The following ALX3 variants were observed in gnomAD, a reference collection of about 807,000 sequenced individuals.
ALX3 encodes the protein homeobox protein aristaless-like 3.
In ALX3, 17 loss-of-function variants were observed where a neutral mutation model predicts 26.3. The ratio of observed to expected loss-of-function variants is 0.65; its 90% CI spans 0.44 to 0.97. The LOEUF (loss-of-function observed/expected upper bound fraction) is 0.97, where lower values mean the gene tolerates loss of function less well. Among genes scored for constraint, ALX3 ranks in the 50% least tolerant of loss-of-function variants. The pLI is 0.00. For synonymous variants in ALX3, 208 were observed against 201.4 expected, an observed-to-expected ratio of 1.03 and a Z score of -0.28; for missense variants, 461 against 466.5, an observed-to-expected ratio of 0.99 and a Z score of 0.11.
chr1:110,067,893 G>T (rs1387737751), intron 1 of ALX3, among the ~76,000 whole-genome samples: 1 of 151,444 alleles, frequency 6.6e-6, no homozygotes, highest in Admixed American at 6.5e-5. Context: ...TAAGAACTTG[G>T]GACTCTCCTC....
chr1:110,069,079 G>A (rs1014499594), intron 1 of ALX3, among the ~76,000 whole-genome samples: 1 of 152,252 alleles, frequency 6.6e-6, no homozygotes, highest in Non-Finnish European at 1.5e-5. Context: ...ACCGCACTGC[G>A]CGGCCTCTGC....
intron 2 of ALX3, chr1:110,062,331 C>T (rs1570936816): frequency 6.6e-6 from 1 of 152,344 alleles, no homozygotes; most frequent in East Asian, 1.9e-4. Context: ...TCTGTTTCTC[C>T]CATTTATTTG....
chr1:110,063,370 T>A (rs1653700105), intron 2 of ALX3, among the ~76,000 whole-genome samples: 1 of 152,106 alleles, frequency 6.6e-6, no homozygotes, highest in Admixed American at 6.5e-5. Context: ...CTTGGAAGTC[T>A]GTTTTGGCTC....
chr1:110,060,615 G>C lies in ALX3; in HGVS notation c.*118C>G. The C allele has an allele frequency of 1.7e-6, 1 of 579,042 alleles. No individual in the cohort carries two copies. The highest frequency in any genetic ancestry group is 2.3e-6 in the Non-Finnish European group (1 of 434,250). 35.9% of individuals were successfully genotyped at this position (579,042 alleles called of 1,614,324 possible). On this transcript the variant is annotated 3_prime_UTR_variant, in exon 4 of 4. Coordinates refer to ENST00000647563, the MANE Select transcript of ALX3 (RefSeq NM_006492.3). ...ACGTGTTCCCTGCTGGGGGCTGACA[G>C]TGCCAGCTGCTCTCGCAGCCTCCAG...
At chr1:110,067,029 C>T (rs551303297) in intron 1 of ALX3, among the ~76,000 whole-genome samples, 1 of 152,334 alleles carries the variant, frequency 6.6e-6, no homozygotes, top group African/African-American at 2.4e-5. Context: ...CTGCTCTCCT[C>T]ATTGTCATTG....
chr1:110,068,390 C>G (rs1259958589), intron 1 of ALX3, among the ~76,000 whole-genome samples: 2 of 152,216 alleles, frequency 1.3e-5, no homozygotes, highest in Non-Finnish European at 2.9e-5. Flanking sequence ...CGCGCTGCGC[C>G]GAGGTCCGCT....
Position 110,070,546 on chromosome 1 carries a change from C to T in ALX3, c.67G>A (p.Asp23Asn), listed in dbSNP as rs1653895043. The T allele has an allele frequency of 2.3e-6, 3 of 1,298,456 alleles. No individual in the cohort carries two copies. The highest frequency in any genetic ancestry group is 2.2e-5 in the South Asian group (1 of 45,672). 80.4% of individuals were successfully genotyped at this position (1,298,456 alleles called of 1,614,324 possible). ...PAPGPYVASG[D>N]EPPGPQGTPA... Reference sequence around the variant, plus strand: ...GTTCCCTGCGGGCCCGGAGGCTCGTCCCCCGAGGCCACATAGGGGCCGGGT... The same window carrying T: ...GTTCCCTGCGGGCCCGGAGGCTCGTTCCCCGAGGCCACATAGGGGCCGGGT... The change falls in exon 1 of 4, where the codon GAC becomes AAC. Residue 23 changes from aspartate (D) to asparagine (N), a missense_variant. Asp to Asn is a conservative substitution (Grantham distance 23, BLOSUM62 1). Transcript: ENST00000647563.
Position 110,060,683 on chromosome 1 carries a change from G to C in ALX3, c.*50C>G. On this transcript the variant is annotated 3_prime_UTR_variant, in exon 4 of 4. Transcript: ENST00000647563. ...AGGCAGAGGTGGGCTGGGAGCGACT[G>C]GGAATGGAAAAAGAGGTGGGCAGCT... 1.9e-6 allele frequency: 1 copy of C among 539,096 alleles called. No homozygotes were observed. Among genetic ancestry groups the C allele is most frequent in the Non-Finnish European group, 2.4e-6 (1 of 410,348 alleles). 33.4% of individuals were successfully genotyped at this position (539,096 alleles called of 1,614,324 possible).
intron 2 of ALX3, chr1:110,062,643 G>GCGCGCACACGCGC (rs1557802205): frequency 5.1e-4 from 1 of 1,980 alleles, no homozygotes; most frequent in African/African-American, 3.3e-3. Flanking sequence ...GTGTGTGTGT[G>GCGCGCACACGCGC]TGGAGTAATC....
At chr1:110,061,180 C>A in intron 3 of ALX3, 139 bp from the exon 4 acceptor site, 1 of 1,086,238 alleles carries the variant, frequency 9.2e-7, no homozygotes, top group Non-Finnish European at 1.3e-6. Flanking sequence ...CCCCCTCTCA[C>A]CCCCAACACT....
intron 1 of ALX3, among the ~76,000 whole-genome samples, chr1:110,068,635 T>G (rs1236411145): frequency 2.6e-5 from 4 of 152,264 alleles, no homozygotes; most frequent in Non-Finnish European, 5.9e-5. Context: ...CTCTTTGTCC[T>G]TTCCCCCTTC....
Position 110,060,508 on chromosome 1 carries a change from T to G in ALX3, c.*225A>C, listed in dbSNP as rs1299342334. On this transcript the variant is annotated 3_prime_UTR_variant, in exon 4 of 4. Transcript: ENST00000647563. The stretch of plus-strand genomic sequence containing the variant: ...CCAGAGTTCAGGTGAGGGGACTCAG[T>G]TTGTGGTAGGAAGAGTCCTGGCTGC... 2.1e-5 allele frequency: 8 copies of G among 377,984 alleles called. No homozygotes were observed. Among genetic ancestry groups the G allele is most frequent in the East Asian group, 8.7e-5 (2 of 23,012 alleles). The allele number at this position is 377,984 out of a possible 1,614,324, so 23.4% of individuals were successfully genotyped here.
chr1:110,065,892 ACCCTCT>A (rs1653769297), intron 1 of ALX3, among the ~76,000 whole-genome samples: 1 of 152,088 alleles, frequency 6.6e-6, no homozygotes, highest in African/African-American at 2.4e-5. Flanking sequence ...GATTGCCCAC[ACCCTCT>A]CCCTCTGGCA....
intron 1 of ALX3, among the ~76,000 whole-genome samples, chr1:110,066,702 A>G (rs530196569): frequency 2.1e-4 from 32 of 151,902 alleles, no homozygotes; most frequent in African/African-American, 7.5e-4. Flanking sequence ...CCAGGCAGAA[A>G]AGGGGTGAGG....
At chr1:110,066,686 T>G (rs1379024303) in intron 1 of ALX3, among the ~76,000 whole-genome samples, 1 of 148,966 alleles carries the variant, frequency 6.7e-6, no homozygotes, top group Non-Finnish European at 1.5e-5. Context: ...GAGGCTGTGC[T>G]GGACTCCAGG....
chr1:110,061,211 C>T, intron 3 of ALX3, 170 bp from the exon 4 acceptor site: 1 of 987,798 alleles, frequency 1.0e-6, no homozygotes, highest in Non-Finnish European at 1.5e-6. Context: ...TCTCAGGAGG[C>T]CCCTGCCACT....
chr1:110,062,944 G>A (rs1653690849), intron 2 of ALX3, among the ~76,000 whole-genome samples: 2 of 152,112 alleles, frequency 1.3e-5, no homozygotes, highest in Non-Finnish European at 2.9e-5. Flanking sequence ...TTCTCCCTTG[G>A]GGATCCCGCT....
intron 1 of ALX3, among the ~76,000 whole-genome samples, chr1:110,068,942 G>A (rs1246163978): frequency 1.3e-5 from 2 of 152,206 alleles, no homozygotes; most frequent in Admixed American, 6.5e-5. Flanking sequence ...CGGCACCGGT[G>A]TGGTCCGGGG....
At chr1:110,063,565 T>A (rs1374244485) in intron 2 of ALX3, among the ~76,000 whole-genome samples, 1 of 151,954 alleles carries the variant, frequency 6.6e-6, no homozygotes, top group Non-Finnish European at 1.5e-5. Flanking sequence ...TCACAAAGGG[T>A]CTCTGGAAGG....
Sources: allele counts gnomAD v4.1 joint callset (sites outside exome capture counted in the v4.1 genomes callset), GRCh38; gene constraint gnomAD v4.1.1; transcripts MANE v1.5; gene names NCBI Gene and HGNC (gene_info 2026-07-23, HGNC 2026-07-21).